Variants in CCDC141 observed in about 807,000 individuals in gnomAD.
CCDC141 encodes coiled-coil domain-containing protein 141.
CCDC141 carries 168 observed loss-of-function variants against 181.0 expected under a neutral mutation model. That is an observed-to-expected ratio of 0.93 (90% CI 0.82 to 1.05). The LOEUF (loss-of-function observed/expected upper bound fraction) is 1.05, where lower values mean the gene tolerates loss of function less well. Among genes scored for constraint, CCDC141 ranks in the 50% least tolerant of loss-of-function variants. The pLI, the probability that CCDC141 is intolerant of heterozygous loss-of-function variation, is 0.00. For synonymous variants in CCDC141, 666 were observed against 642.3 expected (o/e 1.04, Z -0.56); for missense variants, 1,902 against 1,788.5 (o/e 1.06, Z -1.14).
chr2:178,962,636 TTC>T lies in CCDC141; in HGVS notation c.527-1155_527-1154del, dbSNP rs1690457615. ...TTCTTTTCCTTCTTTCCTTCTTTCT[TTC>T]CTTTCCTTCTTTCTTTCTTTCCTCT... is the stretch of plus-strand genomic sequence containing the variant. On this transcript the variant is annotated intron_variant, in intron 4 of 23. Transcript: ENST00000443758. Among the ~76,000 whole-genome samples the T allele has an allele frequency of 3.3e-5, 3 of 90,478 alleles. No homozygotes were observed. In the East Asian group the frequency reaches 2.3e-3, roughly 69 times the overall value. The allele number at this position is 90,478 out of a possible 152,430, so 59.4% of individuals were successfully genotyped here. A position where few individuals can be genotyped will look rare whatever the true frequency, so the allele number is the denominator to read the frequency against.
intron 6 of CCDC141, among the ~76,000 whole-genome samples, chr2:178,943,029 A>G (rs1313350256): frequency 4.6e-5 from 7 of 152,172 alleles, no homozygotes; most frequent in Non-Finnish European, 5.9e-5. Context: ...AGAGGAAACC[A>G]TAACTCTACA....
intron 22 of CCDC141, among the ~76,000 whole-genome samples, chr2:178,839,135 T>G (rs1684612632): frequency 6.6e-6 from 1 of 152,150 alleles, no homozygotes; most frequent in Admixed American, 6.6e-5. Flanking sequence ...AAAATAAGAC[T>G]GGGTGCGGTG....
At chr2:178,958,900 A>G (rs1474419298) in intron 5 of CCDC141, among the ~76,000 whole-genome samples, 4 of 146,478 alleles carry the variant, frequency 2.7e-5, no homozygotes, top group Non-Finnish European at 6.0e-5. Flanking sequence ...TTTTGGAGAG[A>G]GAAGGTCTTT....
chr2:178,819,299 T>C, the CCDC141 span, among the ~76,000 whole-genome samples: 27 of 152,198 alleles, frequency 1.8e-4, no homozygotes, highest in Admixed American at 7.2e-4. Context: ...TAATTGAACA[T>C]CATCATTATC....
At chr2:178,848,738 T>C (rs1049279069) in intron 21 of CCDC141, among the ~76,000 whole-genome samples, 1 of 151,912 alleles carries the variant, frequency 6.6e-6, no homozygotes, top group Admixed American at 6.6e-5. Context: ...TCGGCCTTCG[T>C]ATTGGAAGTC....
chr2:179,032,148 G>C (rs746980070), intron 2 of CCDC141, among the ~76,000 whole-genome samples: 3 of 152,104 alleles, frequency 2.0e-5, no homozygotes, highest in Admixed American at 1.3e-4. Flanking sequence ...TGGCATTAAA[G>C]CAGGGGCTTT....
chr2:178,957,245 C>G (rs573837391), intron 5 of CCDC141, among the ~76,000 whole-genome samples: 4 of 152,156 alleles, frequency 2.6e-5, no homozygotes, highest in Non-Finnish European at 5.9e-5. Flanking sequence ...TATTAAGTAC[C>G]TCTTAAAATG....
intron 8 of CCDC141, among the ~76,000 whole-genome samples, chr2:178,901,455 C>T (rs968567460): frequency 1.2e-4 from 19 of 152,028 alleles, no homozygotes; most frequent in Admixed American, 7.9e-4. Flanking sequence ...GTTCAATATA[C>T]GCAAATCAAT....
intron 2 of CCDC141, among the ~76,000 whole-genome samples, chr2:178,981,110 T>A (rs1691367964): frequency 1.3e-5 from 2 of 152,114 alleles, no homozygotes; most frequent in South Asian, 4.1e-4. Flanking sequence ...AGGCAAAAAT[T>A]AATAGAACTA....
chr2:178,879,395 G>A (rs13429455), intron 11 of CCDC141, among the ~76,000 whole-genome samples: 3,201 of 152,208 alleles, frequency 0.021, 115 homozygotes, highest in African/African-American at 0.073. Flanking sequence ...AGGAGAGCCT[G>A]CAAATAGCTC....
chr2:178,983,292 A>G (rs1691534498), intron 2 of CCDC141, among the ~76,000 whole-genome samples: 1 of 152,202 alleles, frequency 6.6e-6, no homozygotes, highest in African/African-American at 2.4e-5. Context: ...CAGAAATGAC[A>G]TCCACACCAA....
chr2:178,839,277 G>A (rs1684618562), intron 22 of CCDC141, among the ~76,000 whole-genome samples: 1 of 151,986 alleles, frequency 6.6e-6, no homozygotes, highest in Non-Finnish European at 1.5e-5. Context: ...GCCAGGCGTG[G>A]TGGTGCGCAC....
Position 178,855,437 on chromosome 2 carries a change from C to T in CCDC141, c.2970G>A (p.Leu990=). ...VNVLLEVMKD[L]QKHVDDFDKV... ...TGTCAAAGTCATCCACATGTTTTTG[C>T]AAATCCTTCATGACTTCCAAAAGGA... Residue 990 remains leucine (L), a synonymous_variant, in exon 19 of 24, where the codon TTG becomes TTA. Coordinates refer to ENST00000443758, the MANE Select transcript of CCDC141 (RefSeq NM_173648.4). 1 of 1,611,718 alleles carries T rather than the reference C, an allele frequency of 6.2e-7. No homozygotes were observed. The highest frequency in any genetic ancestry group is 8.5e-7 in the Non-Finnish European group (1 of 1,179,070).
intron 2 of CCDC141, among the ~76,000 whole-genome samples, chr2:179,026,414 T>C (rs1231671695): frequency 1.3e-5 from 2 of 152,140 alleles, no homozygotes; most frequent in Admixed American, 1.3e-4. Context: ...GCATCTTCCA[T>C]GTGATGTTGA....
At chr2:178,913,143 G>A (rs1460043166) in intron 7 of CCDC141, among the ~76,000 whole-genome samples, 1 of 152,168 alleles carries the variant, frequency 6.6e-6, no homozygotes. Context: ...TTGATGCATG[G>A]CAAGAATAGG....
intron 2 of CCDC141, among the ~76,000 whole-genome samples, chr2:179,037,106 G>A (rs1269843167): frequency 6.6e-6 from 1 of 152,176 alleles, no homozygotes; most frequent in African/African-American, 2.4e-5. Context: ...GCCAAGTGGG[G>A]ACATCTGGCC....
chr2:179,018,150 C>T (rs1258922239), intron 2 of CCDC141, among the ~76,000 whole-genome samples: 1 of 152,000 alleles, frequency 6.6e-6, no homozygotes, highest in Admixed American at 6.6e-5. Flanking sequence ...TAAGGACAGC[C>T]CATTTTATAG....
intron 7 of CCDC141, among the ~76,000 whole-genome samples, chr2:178,908,162 G>A (rs1688061147): frequency 6.6e-6 from 1 of 152,008 alleles, no homozygotes; most frequent in African/African-American, 2.4e-5. Flanking sequence ...TTTGAATAAA[G>A]CGGAGTTTGT....
intron 22 of CCDC141, among the ~76,000 whole-genome samples, chr2:178,843,451 G>A (rs1273315743): frequency 6.6e-6 from 1 of 152,144 alleles, no homozygotes; most frequent in African/African-American, 2.4e-5. Flanking sequence ...TTTAACCTTA[G>A]GAGTTTTCAT....
Sources: allele counts gnomAD v4.1 joint callset (sites outside exome capture counted in the v4.1 genomes callset), GRCh38; gene constraint gnomAD v4.1.1; transcripts MANE v1.5; gene names NCBI Gene and HGNC (gene_info 2026-07-23, HGNC 2026-07-21).